Variants in FOXJ3 observed in about 807,000 individuals in gnomAD.
The protein encoded by FOXJ3 is forkhead box J3, also known as forkhead box protein J3.
A neutral mutation model predicts 76.1 loss-of-function variants in FOXJ3; 22 were observed. The ratio of observed to expected loss-of-function variants is 0.29; its 90% CI spans 0.21 to 0.41. The LOEUF is 0.41. FOXJ3 is among the 10% of genes least tolerant of loss of function. The probability of loss-of-function intolerance (pLI) is 1.00; values close to 1 mark genes in which losing one functional copy is unlikely to be tolerated. For missense variants in FOXJ3, 613 were observed against 762.1 expected (o/e 0.80, Z 2.30); for synonymous variants, 269 against 261.2 (o/e 1.03, Z -0.29).
At chr1:42,179,866 G>A (rs756850533) in intron 12 of FOXJ3, 41 bp from the exon 13 acceptor site, 1 of 1,320,058 alleles carries the variant, frequency 7.6e-7, no homozygotes, top group Non-Finnish European at 1.1e-6. Context: ...CTTGGGTAGA[G>A]AAGAAAGTAA....
At chr1:42,241,338 A>G (rs1049084375) in intron 4 of FOXJ3, among the ~76,000 whole-genome samples, 1 of 152,156 alleles carries the variant, frequency 6.6e-6, no homozygotes, top group Non-Finnish European at 1.5e-5. Context: ...CCTTGAGGAC[A>G]GACTTCCCCA....
At chr1:42,260,966 A>G (rs1392199264) in intron 4 of FOXJ3, among the ~76,000 whole-genome samples, 6 of 152,214 alleles carry the variant, frequency 3.9e-5, no homozygotes, top group Non-Finnish European at 2.9e-5. Context: ...AGTTTAGATA[A>G]CTGTTGAAAC....
At chr1:42,311,400 A>G (rs1304361730) in intron 1 of FOXJ3, among the ~76,000 whole-genome samples, 2 of 152,224 alleles carry the variant, frequency 1.3e-5, no homozygotes, top group Non-Finnish European at 2.9e-5. Context: ...AGAAGCTGAG[A>G]TTTCATAATA....
upstream of FOXJ3, chr1:42,335,280 GCGGCGTCGCTGCGCCGCCGGCC>G (rs1468911575): frequency 6.6e-6 from 1 of 151,980 alleles, no homozygotes; most frequent in Non-Finnish European, 1.5e-5. Flanking sequence ...ACCGCCTCCT[GCGGCGTCGCTGCGCCGCCGGCC>G]CGGCGTCAGC....
intron 7 of FOXJ3, 125 bp downstream of exon 7, chr1:42,198,973 TACTA>T: frequency 5.8e-6 from 4 of 691,454 alleles, no homozygotes; most frequent in Non-Finnish European, 9.7e-6. Context: ...TTGATCTACT[TACTA>T]AGTTAATAAA....
chr1:42,285,045 T>C (rs577235517), intron 2 of FOXJ3, among the ~76,000 whole-genome samples: 1 of 152,356 alleles, frequency 6.6e-6, no homozygotes, highest in Non-Finnish European at 1.5e-5. Flanking sequence ...GTTAGTATTT[T>C]GATAACTGTA....
intron 11 of FOXJ3, among the ~76,000 whole-genome samples, chr1:42,183,712 G>C (rs1646377700): frequency 6.6e-6 from 1 of 152,022 alleles, no homozygotes. Context: ...AAAAAGAGTA[G>C]AAAAAATCTT....
chr1:42,301,363 T>A (rs78493061), intron 2 of FOXJ3, among the ~76,000 whole-genome samples: 2 of 149,478 alleles, frequency 1.3e-5, no homozygotes, highest in African/African-American at 2.5e-5. Context: ...GCCCTGCTAA[T>A]TTTTTTTTTG....
At chr1:42,330,626 A>C (rs986829752) in intron 1 of FOXJ3, among the ~76,000 whole-genome samples, 3 of 152,258 alleles carry the variant, frequency 2.0e-5, no homozygotes, top group East Asian at 1.9e-4. Flanking sequence ...CAAGAGTGAG[A>C]CCCTGTCTCA....
intron 1 of FOXJ3, among the ~76,000 whole-genome samples, chr1:42,329,329 A>G (rs1243530028): frequency 6.6e-6 from 1 of 152,226 alleles, no homozygotes; most frequent in Non-Finnish European, 1.5e-5. Flanking sequence ...TGCCTTTTCC[A>G]ATTTCAGAGT....
chr1:42,210,287 G>A (rs58677548), intron 5 of FOXJ3, among the ~76,000 whole-genome samples: 3,194 of 152,134 alleles, frequency 0.021, 103 homozygotes, highest in African/African-American at 0.073. Flanking sequence ...TGCTTGACCC[G>A]GCCCCCATCT....
intron 5 of FOXJ3, among the ~76,000 whole-genome samples, chr1:42,211,025 T>TG (rs1323509434): frequency 6.6e-6 from 1 of 152,062 alleles, no homozygotes; most frequent in African/African-American, 2.4e-5. Context: ...TTTCCACTTG[T>TG]GGGGGAGTTT....
chr1:42,179,110 A>C lies in FOXJ3; in HGVS notation c.*600T>G, dbSNP rs1277983240. The C allele has an allele frequency of 6.6e-6, 1 of 152,574 alleles. No homozygotes were observed. The highest frequency in any genetic ancestry group is 1.5e-5 in the Non-Finnish European group (1 of 68,058). 9.5% of individuals were successfully genotyped at this position (152,574 alleles called of 1,614,324 possible). ...GCAACATGCCCCTTCGGATTGTTGGAGTGTGTCAAATTCTGGTTTCCTTGA... is the reference window on the plus strand; with the variant it reads ...GCAACATGCCCCTTCGGATTGTTGGCGTGTGTCAAATTCTGGTTTCCTTGA... On this transcript the variant is annotated 3_prime_UTR_variant, in exon 13 of 13. Coordinates refer to ENST00000361346, the MANE Select transcript of FOXJ3 (RefSeq NM_014947.5).
intron 4 of FOXJ3, among the ~76,000 whole-genome samples, chr1:42,239,812 G>C (rs1411373936): frequency 6.6e-6 from 1 of 152,150 alleles, no homozygotes; most frequent in East Asian, 1.9e-4. Flanking sequence ...TAAATTCCAA[G>C]TAGAATGATG....
chr1:42,234,452 T>A (rs556647838), intron 4 of FOXJ3, among the ~76,000 whole-genome samples: 1 of 152,202 alleles, frequency 6.6e-6, no homozygotes, highest in Non-Finnish European at 1.5e-5. Flanking sequence ...AGGAGCTGTG[T>A]TCCTCTGGAG....
intron 12 of FOXJ3, among the ~76,000 whole-genome samples, 199 bp from the exon 13 acceptor site, chr1:42,180,024 A>G (rs1251806003): frequency 6.6e-6 from 1 of 152,178 alleles, no homozygotes; most frequent in East Asian, 1.9e-4. Context: ...AAATTACCCA[A>G]AGTCACACAA....
At chr1:42,245,914 C>A (rs1649515501) in intron 4 of FOXJ3, among the ~76,000 whole-genome samples, 1 of 152,078 alleles carries the variant, frequency 6.6e-6, no homozygotes, top group Non-Finnish European at 1.5e-5. Context: ...TCTAGAAAAT[C>A]CTAAAGACTC....
intron 7 of FOXJ3, among the ~76,000 whole-genome samples, chr1:42,195,775 C>T (rs989673244): frequency 1.1e-4 from 17 of 152,172 alleles, no homozygotes; most frequent in African/African-American, 3.6e-4. Flanking sequence ...TCTGCAATAA[C>T]GTGGAAAAAT....
chr1:42,183,271 AGAGCGGAGAGGGTG>A (rs1367164588), intron 11 of FOXJ3, among the ~76,000 whole-genome samples: 2 of 122,940 alleles, frequency 1.6e-5, no homozygotes, highest in Admixed American at 8.2e-5. Context: ...AAGAGAGAGG[AGAGCGGAGAGGGTG>A]GAGCGGAGGG....
Sources: gnomAD v4.1 joint callset for allele counts (sites outside exome capture counted in the v4.1 genomes callset) on GRCh38, gnomAD v4.1.1 for gene constraint, MANE v1.5 for transcripts, NCBI Gene and HGNC (gene_info 2026-07-23, HGNC 2026-07-21) for gene names.